Variants in SPON1 observed in about 807,000 individuals in gnomAD.
SPON1 encodes the protein spondin 1, also known as spondin-1.
SPON1 carries 52 observed loss-of-function variants against 111.7 expected under a neutral mutation model. The ratio of observed to expected loss-of-function variants is 0.47; its 90% CI spans 0.37 to 0.59. SPON1 has a LOEUF of 0.59. Among genes scored for constraint, SPON1 ranks in the 20% least tolerant of loss-of-function variants. The pLI, the probability that SPON1 is intolerant of heterozygous loss-of-function variation, is 0.00. For missense variants in SPON1, 957 were observed against 1,068.5 expected, an observed-to-expected ratio of 0.90 and a Z score of 1.46; for synonymous variants, 410 against 395.8, an observed-to-expected ratio of 1.04 and a Z score of -0.43.
chr11:14,225,563 C>T (rs1025413), intron 6 of SPON1, among the ~76,000 whole-genome samples: 51,895 of 151,902 alleles, frequency 0.34, 9,064 homozygotes, highest in East Asian at 0.52. Context: ...AGACTGAAGA[C>T]GTGAATAGTC....
chr11:14,045,798 C>T (rs1848664192), intron 3 of SPON1, among the ~76,000 whole-genome samples: 1 of 151,612 alleles, frequency 6.6e-6, no homozygotes, highest in Admixed American at 6.6e-5. Context: ...TCAAATATTT[C>T]TCTCCACCTT....
chr11:14,053,300 TCTC>T (rs1554918811), intron 3 of SPON1, among the ~76,000 whole-genome samples: 1 of 152,060 alleles, frequency 6.6e-6, no homozygotes, highest in African/African-American at 2.4e-5. Flanking sequence ...TTCTCCCCAT[TCTC>T]CTCTCCCCAC....
chr11:13,993,521 A>G (rs1271814627), intron 2 of SPON1, among the ~76,000 whole-genome samples: 4 of 152,242 alleles, frequency 2.6e-5, no homozygotes, highest in Admixed American at 1.3e-4. Flanking sequence ...TGTCTCCTTC[A>G]GGTCTCTGAT....
chr11:14,260,846 A>T, intron 14 of SPON1, 94 bp downstream of exon 14: 3 of 1,369,680 alleles, frequency 2.2e-6, no homozygotes, highest in Non-Finnish European at 3.0e-6. Context: ...AGATCCTAGA[A>T]TAACATGGTT....
At chr11:14,128,042 T>A (rs1554927184) in intron 5 of SPON1, among the ~76,000 whole-genome samples, 1 of 152,168 alleles carries the variant, frequency 6.6e-6, no homozygotes, top group East Asian at 1.9e-4. Context: ...CATGTGGGAA[T>A]TACAACTTGA....
chr11:14,079,798 T>C (rs913229705), intron 4 of SPON1, 101 bp from the exon 5 acceptor site: 1 of 1,314,896 alleles, frequency 7.6e-7, no homozygotes, highest in Non-Finnish European at 1.1e-6. Flanking sequence ...AGCTGCATCT[T>C]CTTTTCCTAA....
intron 5 of SPON1, among the ~76,000 whole-genome samples, chr11:14,130,687 C>G (rs1173637259): frequency 6.6e-6 from 1 of 151,820 alleles, no homozygotes; most frequent in Non-Finnish European, 1.5e-5. Flanking sequence ...TAATTTATCA[C>G]CCCTGATTTC....
At chr11:14,173,562 G>A (rs1386097311) in intron 6 of SPON1, among the ~76,000 whole-genome samples, 4 of 152,192 alleles carry the variant, frequency 2.6e-5, no homozygotes, top group African/African-American at 9.6e-5. Flanking sequence ...GGAGGAGAAG[G>A]GGTGCTCTGA....
At chr11:14,187,396 G>A (rs1554934164) in intron 6 of SPON1, among the ~76,000 whole-genome samples, 1 of 152,116 alleles carries the variant, frequency 6.6e-6, no homozygotes, top group Non-Finnish European at 1.5e-5. Context: ...CCCACCACTA[G>A]GCAGATGACA....
intron 5 of SPON1, among the ~76,000 whole-genome samples, chr11:14,110,987 G>A (rs1849222712): frequency 6.6e-6 from 1 of 152,174 alleles, no homozygotes; most frequent in African/African-American, 2.4e-5. Context: ...TAGACAACTA[G>A]AAGTATCAAA....
chr11:14,192,246 G>GATATATAT (rs35202633), intron 6 of SPON1, among the ~76,000 whole-genome samples: 245 of 144,272 alleles, frequency 1.7e-3, no homozygotes, highest in African/African-American at 5.9e-3. Context: ...TATCATTAGG[G>GATATATAT]ATATATATAT....
At chr11:13,997,479 A>G (rs1183832831) in intron 2 of SPON1, among the ~76,000 whole-genome samples, 1 of 152,240 alleles carries the variant, frequency 6.6e-6, no homozygotes, top group African/African-American at 2.4e-5. Context: ...AATGCCCAAC[A>G]CAGTGCCTGG....
At chr11:14,218,087 A>G (rs1848643805) in intron 6 of SPON1, among the ~76,000 whole-genome samples, 1 of 152,212 alleles carries the variant, frequency 6.6e-6, no homozygotes, top group Admixed American at 6.5e-5. Context: ...ATGTATGATT[A>G]TCATATTCAT....
intron 6 of SPON1, among the ~76,000 whole-genome samples, chr11:14,173,406 C>G (rs1302949035): frequency 6.6e-6 from 1 of 152,020 alleles, no homozygotes; most frequent in Non-Finnish European, 1.5e-5. Context: ...AATTTTTTTT[C>G]AAGGTTTTTA....
At chr11:14,143,140 G>A (rs1554928959) in intron 6 of SPON1, among the ~76,000 whole-genome samples, 1 of 152,228 alleles carries the variant, frequency 6.6e-6, no homozygotes, top group Non-Finnish European at 1.5e-5. Flanking sequence ...TCACTGGATA[G>A]CCTGGGCAAT....
At chr11:14,249,584 C>T (rs181252100) in intron 7 of SPON1, among the ~76,000 whole-genome samples, 1 of 152,330 alleles carries the variant, frequency 6.6e-6, no homozygotes, top group African/African-American at 2.4e-5. Flanking sequence ...TTATTGAAAA[C>T]TCAGGATGAG....
At chr11:14,078,146 G>A (rs1591369381) in intron 4 of SPON1, among the ~76,000 whole-genome samples, 1 of 152,156 alleles carries the variant, frequency 6.6e-6, no homozygotes, top group East Asian at 1.9e-4. Context: ...TAGGAAAACA[G>A]TATGTCTGTT....
chr11:14,235,800 G>T (rs1163527446), intron 6 of SPON1, among the ~76,000 whole-genome samples: 1 of 152,078 alleles, frequency 6.6e-6, no homozygotes, highest in African/African-American at 2.4e-5. Context: ...CAAAAAGGGG[G>T]CAGGGACCTG....
chr11:14,202,938 T>C (rs1411579124), intron 6 of SPON1, among the ~76,000 whole-genome samples: 1 of 152,168 alleles, frequency 6.6e-6, no homozygotes, highest in Non-Finnish European at 1.5e-5. Flanking sequence ...TCTGTGTTCA[T>C]GCTAATAGTG....
Sources: gnomAD v4.1 joint callset for allele counts (sites outside exome capture counted in the v4.1 genomes callset) on GRCh38, gnomAD v4.1.1 for gene constraint, MANE v1.5 for transcripts, NCBI Gene and HGNC (gene_info 2026-07-23, HGNC 2026-07-21) for gene names.